The following ZNF385B variants were observed in gnomAD, a reference collection of about 807,000 sequenced individuals.
ZNF385B encodes zinc finger protein 385B.
A neutral mutation model predicts 39.2 loss-of-function variants in ZNF385B; 23 were observed. The observed-to-expected ratio is 0.59, with a 90% CI of 0.42 to 0.83. The LOEUF (loss-of-function observed/expected upper bound fraction) is 0.83, where lower values mean the gene tolerates loss of function less well. ZNF385B is among the 40% of genes least tolerant of loss of function. The pLI, the probability that ZNF385B is intolerant of heterozygous loss-of-function variation, is 0.00. For missense variants in ZNF385B, 552 were observed against 598.9 expected (o/e 0.92, Z 0.82); for synonymous variants, 205 against 222.6 (o/e 0.92, Z 0.70).
intron 3 of ZNF385B, chr2:179,576,178 C>A (rs763010302): frequency 4.1e-6 from 4 of 985,134 alleles, no homozygotes; most frequent in Non-Finnish European, 4.8e-6. Flanking sequence ...CTAGTTCAGA[C>A]CCTCATCTCT....
chr2:179,669,434 T>C (rs1038350198), intron 3 of ZNF385B, among the ~76,000 whole-genome samples: 1 of 152,194 alleles, frequency 6.6e-6, no homozygotes, highest in Admixed American at 6.5e-5. Context: ...GGGCCTGTCA[T>C]CAGCATATTT....
intron 1 of ZNF385B, among the ~76,000 whole-genome samples, chr2:179,772,353 C>A (rs1304399858): frequency 6.6e-6 from 1 of 152,194 alleles, no homozygotes; most frequent in African/African-American, 2.4e-5. Context: ...AAACCTCCAA[C>A]ACCGCATTCA....
At chr2:179,756,025 C>A (rs1481633107) in intron 3 of ZNF385B, among the ~76,000 whole-genome samples, 2 of 152,078 alleles carry the variant, frequency 1.3e-5, no homozygotes, top group Non-Finnish European at 2.9e-5. Context: ...TTCTTCCCAG[C>A]CTCAGTGGTC....
intron 3 of ZNF385B, among the ~76,000 whole-genome samples, chr2:179,661,560 T>G (rs923123914): frequency 6.6e-6 from 1 of 152,188 alleles, no homozygotes; most frequent in African/African-American, 2.4e-5. Flanking sequence ...ATATACCAGG[T>G]GATGCTGGTA....
chr2:179,446,592 T>A lies in ZNF385B; in HGVS notation c.894A>T (p.Lys298Asn), dbSNP rs773802778. 1 of 1,614,104 alleles carries A rather than the reference T, an allele frequency of 6.2e-7. No homozygotes were observed. Among genetic ancestry groups the A allele is most frequent in the Non-Finnish European group, 8.5e-7 (1 of 1,179,998 alleles). ...CTTTGCATAGTGAACAATAAAGTAA[T>A]TTTTTGGCTTTTTCTTCTTCTGATT... ...VVESEEEKAK[K>N]LLYCSLCKVA... Residue 298 changes from lysine (K) to asparagine (N), a missense_variant, in exon 7 of 10, where the codon AAA becomes AAT. Coordinates refer to ENST00000410066, the MANE Select transcript of ZNF385B (RefSeq NM_152520.6).
In ZNF385B at chr2:179,532,413, A is replaced by T. The variant is rs2059307692; in HGVS notation, c.441+12414T>A. 3.3e-5 allele frequency among the ~76,000 whole-genome samples: 5 copies of T among 152,338 alleles called. No individual in the cohort carries two copies. The South Asian group carries it at 1.0e-3, about 32-fold the overall frequency. ...ATGGATACGGCACCAAGAATTCCTA[A>T]TCAAACAATGAAGAGAAACCTACAT... is the stretch of plus-strand genomic sequence containing the variant. On this transcript the variant is annotated intron_variant, in intron 4 of 9. Coordinates refer to ENST00000410066, the MANE Select transcript of ZNF385B (RefSeq NM_152520.6).
chr2:179,665,633 T>G (rs1185937535), intron 3 of ZNF385B, among the ~76,000 whole-genome samples: 1 of 152,182 alleles, frequency 6.6e-6, no homozygotes, highest in African/African-American at 2.4e-5. Context: ...TAGTCACATC[T>G]TTGCACAACT....
At chr2:179,806,183 A>C (rs552592570) in intron 1 of ZNF385B, among the ~76,000 whole-genome samples, 2 of 152,354 alleles carry the variant, frequency 1.3e-5, no homozygotes, top group African/African-American at 4.8e-5. Context: ...ATTAATGTCC[A>C]AAATATGTAA....
At chr2:179,707,382 C>T (rs1699686705) in intron 3 of ZNF385B, among the ~76,000 whole-genome samples, 1 of 152,214 alleles carries the variant, frequency 6.6e-6, no homozygotes, top group East Asian at 1.9e-4. Flanking sequence ...TGAGGACCAG[C>T]CATCCCCCTC....
At position 179,483,300 on chromosome 2, in the gene ZNF385B, T is replaced by C; in HGVS notation, c.687A>G (p.Pro229=). ...ATTTGTCAGAGTTGTTGCCTGTGAT[T>C]GGAGTGATGGAGCAGCTGGGATTAG... ...AKANPSCSIT[P]ITGNNSDKSE... is the part of the protein sequence containing the mutation. Residue 229 remains proline, a synonymous_variant, in exon 6 of 10, where the codon CCA becomes CCG. Coordinates refer to ENST00000410066, the MANE Select transcript of ZNF385B (RefSeq NM_152520.6). 6.2e-7 allele frequency: 1 copy of C among 1,613,982 alleles called. No individual in the cohort carries two copies. The highest frequency in any genetic ancestry group is 8.5e-7 in the Non-Finnish European group (1 of 1,179,944).
intron 3 of ZNF385B, among the ~76,000 whole-genome samples, chr2:179,616,439 T>C (rs989375717): frequency 6.6e-6 from 1 of 152,134 alleles, no homozygotes; most frequent in African/African-American, 2.4e-5. Context: ...GTACAAACGA[T>C]TCTCTCGCCT....
chr2:179,697,705 G>A (rs1391072674), intron 3 of ZNF385B, among the ~76,000 whole-genome samples: 1 of 152,098 alleles, frequency 6.6e-6, no homozygotes, highest in Non-Finnish European at 1.5e-5. Flanking sequence ...GAAAGGATGT[G>A]CTCTTTTCCT....
chr2:179,474,227 G>A (rs910431830), intron 6 of ZNF385B, among the ~76,000 whole-genome samples: 2 of 152,110 alleles, frequency 1.3e-5, no homozygotes, highest in Admixed American at 1.3e-4. Context: ...AGCATAAGCA[G>A]TAAGTGTAAG....
chr2:179,632,836 A>G (rs188117452), intron 3 of ZNF385B, among the ~76,000 whole-genome samples: 23 of 152,338 alleles, frequency 1.5e-4, no homozygotes, highest in Non-Finnish European at 2.4e-4. Context: ...AGAGAGAAGA[A>G]TCAAATAGAC....
chr2:179,775,192 T>C (rs534808683), intron 1 of ZNF385B, among the ~76,000 whole-genome samples: 36 of 152,328 alleles, frequency 2.4e-4, no homozygotes, highest in African/African-American at 7.9e-4. Context: ...AATGTTTTGG[T>C]ATATTTCATA....
chr2:179,550,387 A>T (rs1392381362), intron 3 of ZNF385B, among the ~76,000 whole-genome samples: 1 of 149,426 alleles, frequency 6.7e-6, no homozygotes, highest in Non-Finnish European at 1.5e-5. Flanking sequence ...TCACAAACAG[A>T]TTACTCCATC....
intron 3 of ZNF385B, among the ~76,000 whole-genome samples, chr2:179,753,408 C>G (rs535923695): frequency 9.9e-5 from 15 of 152,202 alleles, no homozygotes; most frequent in Non-Finnish European, 1.9e-4. Context: ...TTAGGATTGT[C>G]TTGGCAATGT....
At chr2:179,645,456 C>A in intron 3 of ZNF385B, among the ~76,000 whole-genome samples, 1 of 152,278 alleles carries the variant, frequency 6.6e-6, no homozygotes, top group Non-Finnish European at 1.5e-5. Flanking sequence ...ATAAAAAGAA[C>A]TAATATTGAC....
chr2:179,662,505 T>G (rs1323367995), intron 3 of ZNF385B, among the ~76,000 whole-genome samples: 3 of 152,120 alleles, frequency 2.0e-5, no homozygotes, highest in African/African-American at 7.2e-5. Context: ...ACCAGGCGCT[T>G]GATATTAAGT....
Sources: allele counts gnomAD v4.1 joint callset (sites outside exome capture counted in the v4.1 genomes callset), GRCh38; gene constraint gnomAD v4.1.1; transcripts MANE v1.5; gene names NCBI Gene and HGNC (gene_info 2026-07-23, HGNC 2026-07-21).